DPP10: variants seen among roughly 807,000 people sequenced by gnomAD.
DPP10 encodes inactive dipeptidyl peptidase 10.
DPP10 carries 33 observed loss-of-function variants against 120.9 expected under a neutral mutation model. The ratio of observed to expected loss-of-function variants is 0.27; its 90% confidence interval spans 0.21 to 0.37. The LOEUF is 0.37. Among genes scored for constraint, DPP10 ranks in the 10% least tolerant of loss-of-function variants. The pLI, the probability that DPP10 is intolerant of heterozygous loss-of-function variation, is 1.00. For missense variants in DPP10, 816 were observed against 942.8 expected, an observed-to-expected ratio of 0.87 and a Z score of 1.76; for synonymous variants, 337 against 326.1, an observed-to-expected ratio of 1.03 and a Z score of -0.36.
chr2:115,541,128 ATAAT>A (rs2079146089), intron 5 of DPP10, among the ~76,000 whole-genome samples: 1 of 151,940 alleles, frequency 6.6e-6, no homozygotes, highest in African/African-American at 2.4e-5. Context: ...TTTAAAACCT[ATAAT>A]TAGGTTATTG....
chr2:115,450,399 T>A (rs1024207896), intron 3 of DPP10, among the ~76,000 whole-genome samples: 1 of 152,070 alleles, frequency 6.6e-6, no homozygotes, highest in Non-Finnish European at 1.5e-5. Context: ...GAAGACCATC[T>A]GTATATGACA....
intron 1 of DPP10, among the ~76,000 whole-genome samples, chr2:114,534,205 A>G (rs1009534996): frequency 2.6e-5 from 4 of 152,038 alleles, no homozygotes; most frequent in Non-Finnish European, 2.9e-5. Context: ...GCATTACCCT[A>G]TCCCTCTGAG....
At chr2:114,990,707 G>A (rs1574646394) in intron 1 of DPP10, among the ~76,000 whole-genome samples, 1 of 151,998 alleles carries the variant, frequency 6.6e-6, no homozygotes, top group Non-Finnish European at 1.5e-5. Flanking sequence ...TTCTATCGTG[G>A]TGTCTTTATG....
chr2:115,699,032 AAAAC>A (rs1286352689), intron 7 of DPP10, among the ~76,000 whole-genome samples: 15 of 31,202 alleles, frequency 4.8e-4, no homozygotes, highest in East Asian at 2.1e-3. Flanking sequence ...GAAAAAAAAA[AAAAC>A]AAAAAAAAAA....
chr2:114,569,841 C>T (rs141423258), intron 1 of DPP10, among the ~76,000 whole-genome samples: 176 of 152,260 alleles, frequency 1.2e-3, no homozygotes, highest in African/African-American at 3.8e-3. Flanking sequence ...CACGTGTGCA[C>T]GCCTATCAAC....
chr2:114,912,163 C>T (rs1019672092), intron 1 of DPP10, among the ~76,000 whole-genome samples: 2 of 152,088 alleles, frequency 1.3e-5, no homozygotes, highest in Non-Finnish European at 2.9e-5. Flanking sequence ...CATGCATATA[C>T]ATTTACATTT....
At chr2:115,308,077 A>G (rs2106015432) in intron 1 of DPP10, among the ~76,000 whole-genome samples, 1 of 152,214 alleles carries the variant, frequency 6.6e-6, no homozygotes, top group Non-Finnish European at 1.5e-5. Flanking sequence ...TTCTTCTTGT[A>G]TTTATTTAGA....
chr2:114,842,139 G>C (rs577469128), intron 1 of DPP10, among the ~76,000 whole-genome samples: 1 of 152,094 alleles, frequency 6.6e-6, no homozygotes, highest in Non-Finnish European at 1.5e-5. Context: ...GTCTATTGAA[G>C]GTAATGGGGG....
At chr2:114,807,982 C>T (rs1014812812) in intron 1 of DPP10, among the ~76,000 whole-genome samples, 4 of 152,188 alleles carry the variant, frequency 2.6e-5, no homozygotes, top group African/African-American at 9.7e-5. Context: ...TTAACATAAC[C>T]TGGGCTTCCT....
intron 1 of DPP10, among the ~76,000 whole-genome samples, chr2:115,009,406 A>G (rs1055705384): frequency 1.3e-5 from 2 of 151,564 alleles, no homozygotes; most frequent in East Asian, 2.0e-4. Flanking sequence ...AGGAAGGGGA[A>G]TATCACACTG....
intron 1 of DPP10, among the ~76,000 whole-genome samples, chr2:114,918,419 A>G (rs1694960089): frequency 6.6e-6 from 1 of 152,178 alleles, no homozygotes; most frequent in Non-Finnish European, 1.5e-5. Flanking sequence ...ACAATCTACC[A>G]TTTGACCCAG....
chr2:114,928,565 G>A (rs550447004), intron 1 of DPP10, among the ~76,000 whole-genome samples: 9 of 152,152 alleles, frequency 5.9e-5, no homozygotes, highest in Non-Finnish European at 1.3e-4. Flanking sequence ...GCTGTCATGG[G>A]TTGGAGTAGA....
intron 13 of DPP10, among the ~76,000 whole-genome samples, chr2:115,772,189 C>G (rs1332740523): frequency 3.9e-5 from 6 of 152,050 alleles, no homozygotes; most frequent in Non-Finnish European, 8.8e-5. Context: ...TCCCACAATG[C>G]TAAATAATTT....
chr2:115,810,842 A>C (rs1159195686), intron 19 of DPP10, among the ~76,000 whole-genome samples: 1 of 152,220 alleles, frequency 6.6e-6, no homozygotes, highest in East Asian at 1.9e-4. Flanking sequence ...TGTAGAAGGC[A>C]AATGAGGGAG....
At chr2:115,111,767 C>T (rs2049233785) in intron 1 of DPP10, among the ~76,000 whole-genome samples, 1 of 152,188 alleles carries the variant, frequency 6.6e-6, no homozygotes, top group Non-Finnish European at 1.5e-5. Context: ...GAGCAATCCT[C>T]AAGAGGTAGA....
chr2:115,467,723 T>C (rs561864506), intron 3 of DPP10, among the ~76,000 whole-genome samples: 2 of 152,324 alleles, frequency 1.3e-5, no homozygotes, highest in East Asian at 3.9e-4. Flanking sequence ...TCTGAAAAAT[T>C]ATTATTAGAA....
chr2:115,802,992 C>G (rs1424374404), intron 19 of DPP10, among the ~76,000 whole-genome samples: 1 of 152,038 alleles, frequency 6.6e-6, no homozygotes, highest in African/African-American at 2.4e-5. Context: ...TCCTTGTTAA[C>G]TTTCTGTCTC....
At chr2:115,336,510 A>G (rs1020332090) in intron 2 of DPP10, among the ~76,000 whole-genome samples, 1 of 151,858 alleles carries the variant, frequency 6.6e-6, no homozygotes, top group African/African-American at 2.4e-5. Flanking sequence ...TACACTTTTA[A>G]TAGCAACTAT....
At chr2:114,646,535 A>G (rs200973268) in intron 1 of DPP10, among the ~76,000 whole-genome samples, 1 of 152,178 alleles carries the variant, frequency 6.6e-6, no homozygotes, top group Non-Finnish European at 1.5e-5. Flanking sequence ...GGAACTCCCC[A>G]AATTAATTAA....
Sources: gnomAD v4.1 joint callset for allele counts (sites outside exome capture counted in the v4.1 genomes callset) on GRCh38, gnomAD v4.1.1 for gene constraint, MANE v1.5 for transcripts, NCBI Gene and HGNC (gene_info 2026-07-23, HGNC 2026-07-21) for gene names.